Variants in STAU1 observed in about 807,000 individuals in gnomAD.
STAU1 encodes the protein staufen double-stranded RNA binding protein 1.
STAU1 carries 13 observed loss-of-function variants against 62.9 expected under a neutral mutation model. The observed-to-expected ratio is 0.21, with a 90% confidence interval of 0.13 to 0.33. The LOEUF is 0.33. STAU1 is among the 10% of genes least tolerant of loss of function. The pLI, the probability that STAU1 is intolerant of heterozygous loss-of-function variation, is 1.00. For missense variants in STAU1, 571 were observed against 712.1 expected, an observed-to-expected ratio of 0.80 and a Z score of 2.25; for synonymous variants, 269 against 265.1, an observed-to-expected ratio of 1.01 and a Z score of -0.14.
Position 49,176,015 on chromosome 20 carries a change from C to T in STAU1, c.-159-1746G>A, listed in dbSNP as rs953530492. 2.6e-5 allele frequency among the ~76,000 whole-genome samples: 4 copies of T among 151,124 alleles called. No individual in the cohort carries two copies. In the East Asian group the frequency reaches 5.9e-4, roughly 22 times the overall value. ...TTCATCGTGTTAGCCAGGATGGTCT[C>T]GATCTCCTGACCTCGTGATCCGCCC... On this transcript the variant is annotated intron_variant, in intron 1 of 13. Coordinates refer to ENST00000371856, the MANE Select transcript of STAU1 (RefSeq NM_017453.4).
chr20:49,188,469 A>T (rs1600928988), upstream of STAU1: 3 of 139,376 alleles, frequency 2.2e-5, no homozygotes, highest in African/African-American at 7.9e-5. Context: ...TCCGGCTGGC[A>T]CTGCGGCGGA....
chr20:49,128,389 C>T (rs1388897062), intron 6 of STAU1, among the ~76,000 whole-genome samples: 2 of 152,086 alleles, frequency 1.3e-5, no homozygotes, highest in African/African-American at 4.8e-5. Context: ...ATCTCCTAAC[C>T]GAGAGCCATG....
intron 5 of STAU1, among the ~76,000 whole-genome samples, chr20:49,141,986 G>A (rs2093017059): frequency 6.6e-6 from 1 of 152,030 alleles, no homozygotes; most frequent in African/African-American, 2.4e-5. Flanking sequence ...CACTTTGGGA[G>A]GTCAAGGCGG....
At chr20:49,118,258 C>T in intron 10 of STAU1, 75 bp downstream of exon 10, 1 of 1,435,368 alleles carries the variant, frequency 7.0e-7, no homozygotes, top group South Asian at 1.2e-5. Flanking sequence ...ACTGGCTGGG[C>T]TCCTGCTGTT....
Position 49,123,027 on chromosome 20 carries a change from C to T in STAU1, c.966+65G>A, listed in dbSNP as rs547606802. The T allele has an allele frequency of 1.4e-5, 21 of 1,488,942 alleles. 1 individual carries two copies. Among genetic ancestry groups the T allele is most frequent in the Middle Eastern group, 2.5e-4 (1 of 3,962 alleles). The allele number at this position is 1,488,942 out of a possible 1,614,324, so 92.2% of individuals were successfully genotyped here. ...TCAGGAAGGTGTCCAGACCTTGAACCGCCATCAGCCCCCAAGGCTGGACGT... is the reference window on the plus strand; with the variant it reads ...TCAGGAAGGTGTCCAGACCTTGAACTGCCATCAGCCCCCAAGGCTGGACGT... On this transcript the variant is annotated intron_variant, in intron 8 of 13. Transcript: ENST00000371856.
At chr20:49,143,719 T>A (rs1195873701) in intron 5 of STAU1, among the ~76,000 whole-genome samples, 2 of 152,226 alleles carry the variant, frequency 1.3e-5, no homozygotes, top group Non-Finnish European at 2.9e-5. Context: ...TTTTTCTATA[T>A]CTAAAGTCAT....
At chr20:49,198,444 T>C in the STAU1 span, among the ~76,000 whole-genome samples, 1 of 151,958 alleles carries the variant, frequency 6.6e-6, no homozygotes, top group African/African-American at 2.4e-5. Context: ...CAGGTGGAGG[T>C]TGTAGTAAGC....
chr20:49,190,927 A>G (rs1374418487), upstream of STAU1, among the ~76,000 whole-genome samples: 2 of 142,748 alleles, frequency 1.4e-5, no homozygotes, highest in Non-Finnish European at 3.0e-5. Flanking sequence ...TTTTTTTGAG[A>G]CAGAATCTCA....
chr20:49,206,143 C>T, the STAU1 span, among the ~76,000 whole-genome samples: 1 of 137,780 alleles, frequency 7.3e-6, no homozygotes, highest in African/African-American at 2.6e-5. Flanking sequence ...CCACCACGCC[C>T]AGCTGATTTT....
In STAU1 at chr20:49,151,760, G is replaced by A. The variant is rs1024259019; in HGVS notation, c.345-13C>T. ...TGGGTAAAAGTACCTAGAAATAAAA[G>A]GAGGTTAGGCAAATTACAGTCTCAA... On this transcript the variant is annotated splice_polypyrimidine_tract_variant and intron_variant, in intron 4 of 13. Transcript: ENST00000371856. 5 of 1,603,260 alleles carry A rather than the reference G, an allele frequency of 3.1e-6. No homozygotes were observed. The highest frequency in any genetic ancestry group is 2.3e-5 in the East Asian group (1 of 44,384).
intron 12 of STAU1, 29 bp from the exon 13 acceptor site, chr20:49,115,896 C>T: frequency 6.2e-7 from 1 of 1,601,508 alleles, no homozygotes; most frequent in Admixed American, 1.7e-5. Flanking sequence ...AGGGTAAAGC[C>T]ACAGCCACCG....
chr20:49,146,405 A>C (rs1386264815), intron 5 of STAU1, among the ~76,000 whole-genome samples: 1 of 152,188 alleles, frequency 6.6e-6, no homozygotes, highest in Non-Finnish European at 1.5e-5. Context: ...ATAAAAAAGT[A>C]TTTTAAAAAC....
At position 49,118,402 on chromosome 20, in the gene STAU1, T is replaced by C; in HGVS notation, c.1120A>G (p.Ile374Val). The stretch of plus-strand genomic sequence containing the variant: ...TTTCTTCCATCCCCTGGTTTCTTTA[T>C]GGGTGTCTTAAAAAAGAAGAAGAAA... ...PALKSEEKTP[I>V]KKPGDGRKVT... Residue 374 changes from isoleucine (I) to valine (V), a missense_variant, in exon 10 of 14, where the codon ATA (isoleucine) becomes GTA (valine). Physicochemically the swap from Ile to Val is conservative, Grantham distance 29 (BLOSUM62 3). Coordinates refer to ENST00000371856, the MANE Select transcript of STAU1 (RefSeq NM_017453.4). 2 of 1,608,090 alleles carry C rather than the reference T, an allele frequency of 1.2e-6. No homozygotes were observed. Among genetic ancestry groups the C allele is most frequent in the Non-Finnish European group, 1.7e-6 (2 of 1,178,078 alleles).
chr20:49,170,397 T>A (rs1600835499), intron 2 of STAU1, among the ~76,000 whole-genome samples: 1 of 152,194 alleles, frequency 6.6e-6, no homozygotes, highest in African/African-American at 2.4e-5. Context: ...GTCGTCCAGG[T>A]TGGAGTGCAG....
Position 49,166,140 on chromosome 20 carries a change from A to T in STAU1, c.62T>A (p.Leu21Gln). The T allele has an allele frequency of 6.2e-7, 1 of 1,614,190 alleles. No homozygotes were observed. Residue 21 changes from leucine to glutamine, a missense_variant, in exon 3 of 14, where the codon CTG becomes CAG. Around this residue, in one of 3 missense-constraint regions of STAU1, gnomAD observed 414 missense variants for 499.6 expected, o/e 0.83. Coordinates refer to ENST00000371856, the MANE Select transcript of STAU1 (RefSeq NM_017453.4). ...TGAGAGAAGAGACTGGTTCTTGTTCAGTATTTGGCTCCCTGAGAGAGCAGC... is the reference window on the plus strand; with the variant it reads ...TGAGAGAAGAGACTGGTTCTTGTTCTGTATTTGGCTCCCTGAGAGAGCAGC... ...PSAALSGSQI[L>Q]NKNQSLLSQP...
chr20:49,202,230 A>AAAAAG, the STAU1 span, among the ~76,000 whole-genome samples: 115 of 130,390 alleles, frequency 8.8e-4, 1 homozygote, highest in East Asian at 6.7e-3. Context: ...AAAAAAAAAA[A>AAAAAG]AAAGAAAGAA....
At chr20:49,207,316 C>T in the STAU1 span, among the ~76,000 whole-genome samples, 2 of 152,004 alleles carry the variant, frequency 1.3e-5, no homozygotes, top group African/African-American at 2.4e-5. Context: ...ACTTTTCTCT[C>T]GCCTCCACTG....
At chr20:49,118,680 C>G (rs1478779691) in intron 9 of STAU1, among the ~76,000 whole-genome samples, 2 of 152,070 alleles carry the variant, frequency 1.3e-5, no homozygotes, top group African/African-American at 2.4e-5. Context: ...CACTCTGCAC[C>G]CACAGGAAGA....
intron 1 of STAU1, among the ~76,000 whole-genome samples, chr20:49,181,186 C>T (rs949823238): frequency 6.6e-6 from 1 of 152,158 alleles, no homozygotes; most frequent in Non-Finnish European, 1.5e-5. Flanking sequence ...AAGGAAAGAG[C>T]TAAATGAACT....
Sources: allele counts gnomAD v4.1 joint callset (sites outside exome capture counted in the v4.1 genomes callset), GRCh38; gene constraint gnomAD v4.1.1; regional missense constraint gnomAD v4.1.1; transcripts MANE v1.5; gene names NCBI Gene and HGNC (gene_info 2026-07-23, HGNC 2026-07-21).